Variants in ALPK1 observed in about 807,000 individuals in gnomAD.
ALPK1 encodes the protein alpha-protein kinase 1.
ALPK1 carries 110 observed loss-of-function variants against 120.6 expected under a neutral mutation model. The ratio of observed to expected loss-of-function variants is 0.91; its 90% CI spans 0.78 to 1.07. ALPK1 has a LOEUF of 1.07. Ranked by LOEUF, ALPK1 falls within the 50% of genes least tolerant of loss-of-function variation. The pLI is 0.00. For missense variants in ALPK1, 1,498 were observed against 1,483.9 expected, an observed-to-expected ratio of 1.01 and a Z score of -0.16; for synonymous variants, 582 against 560.3, an observed-to-expected ratio of 1.04 and a Z score of -0.55.
intron 5 of ALPK1, among the ~76,000 whole-genome samples, chr4:112,413,280 C>G (rs1489302235): frequency 2.6e-5 from 4 of 152,132 alleles, no homozygotes; most frequent in African/African-American, 7.2e-5. Context: ...TCAAGAAGAG[C>G]TTGGAACAGA....
chr4:112,379,978 C>T (rs966743247), intron 3 of ALPK1, among the ~76,000 whole-genome samples: 1 of 152,144 alleles, frequency 6.6e-6, no homozygotes, highest in Non-Finnish European at 1.5e-5. Context: ...AAAATATGAA[C>T]ACTATTCACT....
rs1331205839 is a variant in ALPK1 at position 112,372,270 on chromosome 4, GT to G, written c.-100-5407del. Among the ~76,000 whole-genome samples the G allele has an allele frequency of 2.0e-5, 3 of 150,070 alleles. 1 individual carries two copies. The highest frequency in any genetic ancestry group is 6.6e-5 in the Admixed American group (1 of 15,040). ...GCTCTGTCGCTCAGGCTGGAGTGCAGTGGCGTGATCTTGGTTCACTGCAGGC... is the reference window on the plus strand; with the variant it reads ...GCTCTGTCGCTCAGGCTGGAGTGCAGGGCGTGATCTTGGTTCACTGCAGGC... On this transcript the variant is annotated intron_variant, in intron 2 of 15. Coordinates refer to ENST00000650871, the MANE Select transcript of ALPK1 (RefSeq NM_025144.4).
intron 2 of ALPK1, among the ~76,000 whole-genome samples, chr4:112,325,900 A>G (rs1050549643): frequency 2.6e-5 from 4 of 152,024 alleles, no homozygotes; most frequent in Admixed American, 6.6e-5. Flanking sequence ...TACCCTCCCA[A>G]AGGATTTCAC....
At chr4:112,355,845 T>TA (rs1730580875) in intron 2 of ALPK1, among the ~76,000 whole-genome samples, 2 of 152,330 alleles carry the variant, frequency 1.3e-5, no homozygotes, top group Non-Finnish European at 2.9e-5. Flanking sequence ...ACTGCGCGCC[T>TA]CAGTCCGCGA....
intron 1 of ALPK1, among the ~76,000 whole-genome samples, chr4:112,303,110 C>G (rs529728226): frequency 3.3e-4 from 50 of 152,284 alleles, no homozygotes; most frequent in African/African-American, 1.2e-3. Flanking sequence ...TCCCACATCT[C>G]TGGCTGCTCT....
Position 112,435,277 on chromosome 4 carries a change from TTCA to T in ALPK1, c.3168_3170del (p.His1056del). The T allele has an allele frequency of 6.2e-7, 1 of 1,610,502 alleles. No individual in the cohort carries two copies. Among genetic ancestry groups the T allele is most frequent in the Non-Finnish European group, 8.5e-7 (1 of 1,179,128 alleles). On this transcript the variant is annotated inframe_deletion, in exon 12 of 16. Coordinates refer to ENST00000650871, the MANE Select transcript of ALPK1 (RefSeq NM_025144.4). ...AGAAATGCTTTTTGGGTTCATCATC[TTCA>T]TCAAGAAGAAATTCTGGGGAGGTAT...
At chr4:112,419,003 C>T (rs1733870868) in intron 5 of ALPK1, among the ~76,000 whole-genome samples, 1 of 152,134 alleles carries the variant, frequency 6.6e-6, no homozygotes, top group African/African-American at 2.4e-5. Context: ...GACAATATGG[C>T]TGAACACATA....
Position 112,411,879 on chromosome 4 carries a change from T to C in ALPK1, c.329T>C (p.Ile110Thr). Residue 110 changes from isoleucine to threonine, a missense_variant, in exon 5 of 16, where the codon ATT becomes ACT. By Grantham distance (89) the Ile-to-Thr change is moderately conservative. Transcript: ENST00000650871. ...LARDCAAAAA[I>T]VFLVDRFLYG... The stretch of plus-strand genomic sequence containing the variant: ...CGGGACTGTGCGGCTGCGGCGGCTA[T>C]TGTGTTCTTGGTGGACCGGTTCCTG... 1.2e-6 allele frequency: 2 copies of C among 1,613,994 alleles called. No individual in the cohort carries two copies. The highest frequency in any genetic ancestry group is 1.1e-5 in the South Asian group (1 of 91,070).
At chr4:112,318,458 C>G (rs1038286612) in intron 2 of ALPK1, among the ~76,000 whole-genome samples, 1 of 152,134 alleles carries the variant, frequency 6.6e-6, no homozygotes, top group African/African-American at 2.4e-5. Context: ...AGTGATTAGC[C>G]CAGGGTCATT....
At chr4:112,313,087 C>G (rs996795703) in intron 1 of ALPK1, among the ~76,000 whole-genome samples, 13 of 152,208 alleles carry the variant, frequency 8.5e-5, no homozygotes, top group African/African-American at 2.7e-4. Context: ...GTGCAGATAT[C>G]AAGTTACGGT....
chr4:112,345,946 C>A (rs1050769076), intron 2 of ALPK1, among the ~76,000 whole-genome samples: 1 of 152,314 alleles, frequency 6.6e-6, no homozygotes, highest in African/African-American at 2.4e-5. Flanking sequence ...TCACTGCAAC[C>A]TTTGTCTCCC....
chr4:112,377,272 C>A (rs73841009), intron 2 of ALPK1, among the ~76,000 whole-genome samples: 2,863 of 152,248 alleles, frequency 0.019, 98 homozygotes, highest in African/African-American at 0.063. Flanking sequence ...TGGGTTATTA[C>A]CGTGTACTAG....
Position 112,431,038 on chromosome 4 carries a change from A to G in ALPK1, c.1491A>G (p.Ile497Met), listed in dbSNP as rs201649942. 7.7e-5 allele frequency: 125 copies of G among 1,613,190 alleles called. No homozygotes were observed. The Middle Eastern group carries it at 1.5e-3, about 19-fold the overall frequency. The part of the protein sequence containing the change: ...GVCITALKTE[I>M]KNIDTVSTTQ... ...GCATCACTGCTCTAAAAACAGAAAT[A>G]AAAAACATAGATACTGTGAGTACTA... is the stretch of plus-strand genomic sequence containing the variant. The change falls in exon 11 of 16, where the codon ATA becomes ATG. Residue 497 changes from isoleucine to methionine, a missense_variant. Ile to Met is a conservative substitution (Grantham distance 10). Transcript: ENST00000650871.
intron 2 of ALPK1, among the ~76,000 whole-genome samples, chr4:112,376,090 T>A (rs776329615): frequency 1.3e-5 from 2 of 152,146 alleles, no homozygotes; most frequent in African/African-American, 2.4e-5. Flanking sequence ...CCAAAATAAT[T>A]ACAATAATAA....
At chr4:112,328,853 C>T (rs1201537941) in intron 2 of ALPK1, among the ~76,000 whole-genome samples, 1 of 152,138 alleles carries the variant, frequency 6.6e-6, no homozygotes, top group African/African-American at 2.4e-5. Flanking sequence ...GCCCAACATC[C>T]CACCCAACAT....
At position 112,431,063 on chromosome 4, in the gene ALPK1, A is replaced by T. The variant is rs1291555653; in HGVS notation, c.1516A>T (p.Thr506Ser). The T allele has an allele frequency of 9.9e-6, 16 of 1,614,242 alleles. No individual in the cohort carries two copies. The highest frequency in any genetic ancestry group is 1.4e-5 in the Non-Finnish European group (16 of 1,180,040). ...EIKNIDTVSTTQEKPHCQRDT... is the reference protein window; with the variant it reads ...EIKNIDTVSTSQEKPHCQRDT... ...AAAAAACATAGATACTGTGAGTACT[A>T]CTCAAGAAAAGCCACATTGTCAAAG... Residue 506 changes from threonine to serine, a missense_variant, in exon 11 of 16, where the codon ACT becomes TCT. By Grantham distance (58) the Thr-to-Ser change is moderately conservative (BLOSUM62 1). Coordinates refer to ENST00000650871, the MANE Select transcript of ALPK1 (RefSeq NM_025144.4).
At chr4:112,349,122 G>A (rs941885732) in intron 2 of ALPK1, among the ~76,000 whole-genome samples, 6 of 151,648 alleles carry the variant, frequency 4.0e-5, no homozygotes, top group African/African-American at 1.5e-4. Context: ...TCTAATAAGT[G>A]GTCATAACAT....
intron 2 of ALPK1, among the ~76,000 whole-genome samples, chr4:112,321,954 C>A (rs1436204535): frequency 6.6e-6 from 1 of 152,098 alleles, no homozygotes; most frequent in African/African-American, 2.4e-5. Context: ...TTGCTTATAC[C>A]TGTACTGATA....
chr4:112,403,907 G>T (rs1246670305), intron 4 of ALPK1, among the ~76,000 whole-genome samples: 1 of 152,194 alleles, frequency 6.6e-6, no homozygotes, highest in Admixed American at 6.5e-5. Context: ...CAAATATATG[G>T]CGTGTTCTTG....
Sources: gnomAD v4.1 joint callset for allele counts (sites outside exome capture counted in the v4.1 genomes callset) on GRCh38, gnomAD v4.1.1 for gene constraint, MANE v1.5 for transcripts, NCBI Gene and HGNC (gene_info 2026-07-23, HGNC 2026-07-21) for gene names.